Variants in ULK4 observed in about 807,000 individuals in gnomAD.
ULK4 encodes the protein unc-51 like kinase 4.
Under a neutral mutation model 160.6 loss-of-function variants are expected in ULK4, and 133 were observed. The ratio of observed to expected loss-of-function variants is 0.83; its 90% CI spans 0.72 to 0.96. The LOEUF (loss-of-function observed/expected upper bound fraction) is 0.96, where lower values mean the gene tolerates loss of function less well. Ranked by LOEUF, ULK4 falls within the 40% of genes least tolerant of loss-of-function variation. ULK4 has a pLI of 0.00. For synonymous variants in ULK4, 534 were observed against 539.8 expected, an observed-to-expected ratio of 0.99 and a Z score of 0.15; for missense variants, 1,580 against 1,499.5, an observed-to-expected ratio of 1.05 and a Z score of -0.89.
intron 35 of ULK4, among the ~76,000 whole-genome samples, chr3:41,360,101 G>T (rs2081112470): frequency 6.6e-6 from 1 of 151,902 alleles, no homozygotes; most frequent in Non-Finnish European, 1.5e-5. Context: ...TTAAAAAGTG[G>T]GCAAAGGATA....
intron 34 of ULK4, among the ~76,000 whole-genome samples, chr3:41,441,871 G>A (rs1247930213): frequency 6.6e-6 from 1 of 152,040 alleles, no homozygotes; most frequent in Non-Finnish European, 1.5e-5. Context: ...GGTTTGTTTA[G>A]CACTGTTAGG....
intron 21 of ULK4, among the ~76,000 whole-genome samples, chr3:41,760,347 A>G (rs890169979): frequency 5.3e-5 from 8 of 152,196 alleles, no homozygotes; most frequent in Non-Finnish European, 1.0e-4. Context: ...CCTGGAAAAC[A>G]GTTTGGCAGT....
At chr3:41,503,902 C>T (rs1170659168) in intron 32 of ULK4, among the ~76,000 whole-genome samples, 1 of 152,114 alleles carries the variant, frequency 6.6e-6, no homozygotes, top group Non-Finnish European at 1.5e-5. Context: ...ACCTCTAGAA[C>T]TTCAACATTT....
intron 1 of ULK4, among the ~76,000 whole-genome samples, chr3:41,959,828 T>C (rs1249172544): frequency 6.6e-6 from 1 of 152,126 alleles, no homozygotes; most frequent in Non-Finnish European, 1.5e-5. Flanking sequence ...CTATATGGTA[T>C]GTATTATAAC....
intron 35 of ULK4, among the ~76,000 whole-genome samples, chr3:41,278,932 T>C (rs928429799): frequency 1.3e-5 from 2 of 151,950 alleles, no homozygotes; most frequent in Non-Finnish European, 2.9e-5. Context: ...GGAAAAAAAC[T>C]GGATGGAGAA....
At chr3:41,438,009 T>C (rs924080150) in intron 34 of ULK4, among the ~76,000 whole-genome samples, 4 of 151,642 alleles carry the variant, frequency 2.6e-5, no homozygotes, top group African/African-American at 9.7e-5. Flanking sequence ...GCCTCAACTC[T>C]GGAGAGCTGA....
In ULK4 at chr3:41,841,186, G is replaced by A. The variant is rs139367663; in HGVS notation, c.1657-5215C>T. Among the ~76,000 whole-genome samples, 268 of 130,926 alleles carry A rather than the reference G, an allele frequency of 2.0e-3. 1 individual carries two copies. Among genetic ancestry groups the A allele is most frequent in the African/African-American group, 3.5e-3 (105 of 29,904 alleles). The allele number at this position is 130,926 out of a possible 152,430, so 85.9% of individuals were successfully genotyped here. A position where few individuals can be genotyped will look rare whatever the true frequency, so the allele number is the denominator to read the frequency against. ...CTGCCCCGACTGGGAGGTGAGGAGC[G>A]CCTCTGCCCGGCCGCCCCGCCTGGG... On this transcript the variant is annotated intron_variant, in intron 17 of 36. Coordinates refer to ENST00000301831, the MANE Select transcript of ULK4 (RefSeq NM_017886.4).
intron 29 of ULK4, among the ~76,000 whole-genome samples, chr3:41,678,333 G>A (rs945630153): frequency 6.6e-6 from 1 of 152,036 alleles, no homozygotes; most frequent in Non-Finnish European, 1.5e-5. Context: ...CATCTGGAAC[G>A]TGGGTATTAC....
intron 32 of ULK4, among the ~76,000 whole-genome samples, chr3:41,487,011 A>T (rs2125902333): frequency 6.6e-6 from 1 of 152,318 alleles, no homozygotes; most frequent in South Asian, 2.1e-4. Flanking sequence ...GTGATTGAGA[A>T]CCTAGGAGAA....
chr3:41,850,935 G>A (rs1427115724), intron 17 of ULK4, among the ~76,000 whole-genome samples: 1 of 152,098 alleles, frequency 6.6e-6, no homozygotes, highest in East Asian at 1.9e-4. Flanking sequence ...GGTTTTTATG[G>A]TTTTAGGTCT....
chr3:41,397,937 A>G, intron 35 of ULK4, 142 bp downstream of exon 35: 4 of 859,468 alleles, frequency 4.7e-6, no homozygotes, highest in Non-Finnish European at 7.1e-6. Flanking sequence ...CAGGTGATTA[A>G]GGAGAAAGGT....
At chr3:41,483,595 AG>A (rs2084402989) in intron 32 of ULK4, among the ~76,000 whole-genome samples, 1 of 152,204 alleles carries the variant, frequency 6.6e-6, no homozygotes, top group South Asian at 2.1e-4. Flanking sequence ...TTAATAGTTT[AG>A]AAGACTCAAT....
At chr3:41,914,145 C>T (rs1390405806) in intron 8 of ULK4, among the ~76,000 whole-genome samples, 5 of 152,074 alleles carry the variant, frequency 3.3e-5, no homozygotes, top group African/African-American at 9.7e-5. Flanking sequence ...TAGAGTATAC[C>T]TCTAGATATA....
chr3:41,430,247 T>G (rs549728528), intron 34 of ULK4, among the ~76,000 whole-genome samples: 10 of 152,314 alleles, frequency 6.6e-5, no homozygotes, highest in African/African-American at 2.4e-4. Flanking sequence ...AGAAGAAAAT[T>G]GTCTACATAA....
chr3:41,454,886 C>T (rs879776739), intron 34 of ULK4, among the ~76,000 whole-genome samples: 1 of 151,736 alleles, frequency 6.6e-6, no homozygotes, highest in Non-Finnish European at 1.5e-5. Flanking sequence ...TTAGTAGAGA[C>T]GGGGTTTCAC....
chr3:41,825,352 T>A (rs1205399216), intron 18 of ULK4, among the ~76,000 whole-genome samples: 1 of 152,100 alleles, frequency 6.6e-6, no homozygotes, highest in Non-Finnish European at 1.5e-5. Flanking sequence ...CTTCAGATGA[T>A]CAAACTACTC....
intron 35 of ULK4, among the ~76,000 whole-genome samples, chr3:41,387,935 T>A (rs1429509070): frequency 1.3e-5 from 2 of 152,206 alleles, no homozygotes; most frequent in Non-Finnish European, 2.9e-5. Flanking sequence ...TCTAGATCCC[T>A]GAGGAATCGC....
intron 34 of ULK4, among the ~76,000 whole-genome samples, chr3:41,455,096 G>T (rs1046138309): frequency 6.6e-6 from 1 of 152,090 alleles, no homozygotes; most frequent in Non-Finnish European, 1.5e-5. Context: ...TTGAGATTGA[G>T]GGGGTGGGCC....
chr3:41,739,212 T>A (rs1469993142), intron 22 of ULK4, among the ~76,000 whole-genome samples: 1 of 151,932 alleles, frequency 6.6e-6, no homozygotes, highest in South Asian at 2.1e-4. Flanking sequence ...AGTTTCAACA[T>A]GTCAAAAAAT....
Sources: gnomAD v4.1 joint callset for allele counts (sites outside exome capture counted in the v4.1 genomes callset) on GRCh38, gnomAD v4.1.1 for gene constraint, MANE v1.5 for transcripts, NCBI Gene and HGNC (gene_info 2026-07-23, HGNC 2026-07-21) for gene names.